RPS6: variants seen among roughly 807,000 people sequenced by gnomAD.
RPS6 encodes small ribosomal subunit protein eS6.
A neutral mutation model predicts 27.1 loss-of-function variants in RPS6; 1 was observed. The ratio of observed to expected loss-of-function variants is 0.04; its 90% CI spans 0.01 to 0.18. The LOEUF (loss-of-function observed/expected upper bound fraction) is 0.18, where lower values mean the gene tolerates loss of function less well. RPS6 is among the 10% of genes least tolerant of loss of function. The pLI, the probability that RPS6 is intolerant of heterozygous loss-of-function variation, is 1.00. For synonymous variants in RPS6, 152 were observed against 106.0 expected, an observed-to-expected ratio of 1.43 and a Z score of -2.66; for missense variants, 259 against 319.1, an observed-to-expected ratio of 0.81 and a Z score of 1.44.
intron 4 of RPS6, 50 bp downstream of exon 4, chr9:19,378,318 T>C (rs375640449): frequency 3.7e-5 from 58 of 1,577,820 alleles, no homozygotes; most frequent in East Asian, 8.9e-5. Flanking sequence ...CACAAAATGA[T>C]AGACAAATTA....
At chr9:19,378,008 T>C (rs1829617887) in intron 4 of RPS6, among the ~76,000 whole-genome samples, 1 of 152,184 alleles carries the variant, frequency 6.6e-6, no homozygotes, top group Non-Finnish European at 1.5e-5. Flanking sequence ...ATTAATAATT[T>C]AGAACATCTG....
intron 3 of RPS6, 61 bp downstream of exon 3, chr9:19,378,642 GAATAA>G: frequency 6.3e-7 from 1 of 1,584,528 alleles, no homozygotes; most frequent in Non-Finnish European, 8.7e-7. Context: ...TACTGCAAAT[GAATAA>G]GCATTTGGAC....
rs1321685090 is a variant in RPS6 at position 19,380,015 on chromosome 9, C to T, written c.6+175G>A. On this transcript the variant is annotated intron_variant, in intron 1 of 5. Transcript: ENST00000380394. ...CCGCCGCGGCTCCAGCCGCAATCGC[C>T]TGCCATCCGTTCGGCCAAAAAGCTC... 8.6e-6 allele frequency: 13 copies of T among 1,508,580 alleles called. No individual in the cohort carries two copies. In the East Asian group the frequency reaches 1.9e-4, roughly 22 times the overall value. The allele number at this position is 1,508,580 out of a possible 1,614,324, so 93.4% of individuals were successfully genotyped here.
Position 19,376,663 on chromosome 9 carries a change from AAGGACTCAATCATTTCAAT to A in RPS6, c.497-31_497-13del. 6.3e-7 allele frequency: 1 copy of A among 1,597,454 alleles called. No individual in the cohort carries two copies. The highest frequency in any genetic ancestry group is 8.5e-7 in the Non-Finnish European group (1 of 1,175,670). On this transcript the variant is annotated splice_polypyrimidine_tract_variant and intron_variant, in intron 4 of 5. Coordinates refer to ENST00000380394, the MANE Select transcript of RPS6 (RefSeq NM_001010.3). ...CCTAGGTTTCTTACCTAAAAATTCA[AAGGACTCAATCATTTCAAT>A]ATTTGTTTTGTTAGAATCCACATCT...
At position 19,375,856 on chromosome 9, in the gene RPS6, T is replaced by C. The variant is rs1380973738; in HGVS notation, c.*437A>G. ...TTTAGTGGATGGTATCCACTAAAAC[T>C]AGGTATCCACTAAAACTATGCCTTA... is the stretch of plus-strand genomic sequence containing the variant. On this transcript the variant is annotated 3_prime_UTR_variant, in exon 6 of 6. Transcript: ENST00000380394. 8.7e-6 allele frequency: 1 copy of C among 114,374 alleles called. No homozygotes were observed. Among genetic ancestry groups the C allele is most frequent in the Non-Finnish European group, 1.7e-5 (1 of 57,244 alleles). The allele number at this position is 114,374 out of a possible 1,614,324, so 7.1% of individuals were successfully genotyped here.
intron 4 of RPS6, among the ~76,000 whole-genome samples, chr9:19,378,099 T>TA (rs1336808693): frequency 1.3e-5 from 2 of 152,202 alleles, no homozygotes; most frequent in South Asian, 2.1e-4. Flanking sequence ...GCAATGACCT[T>TA]AAAGTCAGGT....
chr9:19,380,168 A>G, intron 1 of RPS6, 22 bp downstream of exon 1: 2 of 1,614,128 alleles, frequency 1.2e-6, no homozygotes, highest in Non-Finnish European at 1.7e-6. Flanking sequence ...AACCCAGTCT[A>G]ACACTCGCCA....
intron 1 of RPS6, 62 bp from the exon 2 acceptor site, chr9:19,379,680 T>G (rs1307583440): frequency 6.5e-7 from 1 of 1,539,220 alleles, no homozygotes; most frequent in African/African-American, 1.4e-5. Flanking sequence ...TGTAGAGCCA[T>G]CTACAAAGTT....
intron 2 of RPS6, 138 bp downstream of exon 2, chr9:19,379,349 T>TTA: frequency 6.5e-7 from 1 of 1,545,696 alleles, no homozygotes; most frequent in Non-Finnish European, 8.7e-7. Context: ...ACCTCTAACT[T>TTA]TATAAAGTGG....
intron 4 of RPS6, among the ~76,000 whole-genome samples, chr9:19,377,414 A>T (rs1214324372): frequency 6.9e-6 from 1 of 145,864 alleles, no homozygotes; most frequent in African/African-American, 2.7e-5. Flanking sequence ...TTTTTGCAAC[A>T]TCAGCTTCAT....
intron 1 of RPS6, chr9:19,379,937 C>G: frequency 7.0e-7 from 1 of 1,433,858 alleles, no homozygotes; most frequent in African/African-American, 1.4e-5. Flanking sequence ...AACTGGGCAA[C>G]ACGCCGCATC....
intron 4 of RPS6, among the ~76,000 whole-genome samples, chr9:19,377,580 A>G (rs1304796024): frequency 4.6e-5 from 7 of 152,162 alleles, no homozygotes; most frequent in Non-Finnish European, 8.8e-5. Context: ...AATTCTTTCA[A>G]ATTTTGTCAG....
In RPS6 at chr9:19,377,356, T is replaced by TATG. The variant is rs796172445; in HGVS notation, c.497-708_497-706dup. The stretch of plus-strand genomic sequence containing the variant: ...GTATTATACGGATTATTTCCAGGGC[T>TATG]ATGATTATGGGCAACTGCCACCTAT... On this transcript the variant is annotated intron_variant, in intron 4 of 5. Coordinates refer to ENST00000380394, the MANE Select transcript of RPS6 (RefSeq NM_001010.3). Among the ~76,000 whole-genome samples the TATG allele has an allele frequency of 4.6e-5, 7 of 151,594 alleles. 1 individual carries two copies. Among genetic ancestry groups the TATG allele is most frequent in the African/African-American group, 1.7e-4 (7 of 41,310 alleles).
intron 4 of RPS6, among the ~76,000 whole-genome samples, chr9:19,377,880 G>C (rs1284170374): frequency 2.0e-5 from 3 of 152,276 alleles, no homozygotes; most frequent in African/African-American, 7.2e-5. Flanking sequence ...TTTTGGGCTG[G>C]GTGTGGTGGC....
chr9:19,379,013 A>G, intron 2 of RPS6, 95 bp from the exon 3 acceptor site: 1 of 1,204,568 alleles, frequency 8.3e-7, no homozygotes, highest in Non-Finnish European at 1.2e-6. Flanking sequence ...CTATATGAGA[A>G]AGTATAATTA....
intron 4 of RPS6, among the ~76,000 whole-genome samples, chr9:19,377,715 T>G (rs1207606038): frequency 2.6e-5 from 4 of 152,222 alleles, no homozygotes; most frequent in Admixed American, 6.5e-5. Flanking sequence ...ACAAAAGTTC[T>G]TAAAAGGTAA....
chr9:19,377,831 A>T (rs920912184), intron 4 of RPS6, among the ~76,000 whole-genome samples: 1 of 152,218 alleles, frequency 6.6e-6, no homozygotes, highest in African/African-American at 2.4e-5. Flanking sequence ...CAGATGAAAC[A>T]GAAGTTTAAA....
intron 2 of RPS6, 93 bp downstream of exon 2, chr9:19,379,394 G>C: frequency 6.4e-7 from 1 of 1,571,130 alleles, no homozygotes; most frequent in Non-Finnish European, 8.6e-7. Flanking sequence ...TCAGAAGCCA[G>C]AACCCGGAGT....
chr9:19,376,628 G>A lies in RPS6; in HGVS notation c.520C>T (p.Pro174Ser), dbSNP rs1377931004. ...GGAGTAACAAGACGCTGAATCTTGG[G>A]TGCTTTGGTCCTAGGTTTCTTACCT... The part of the protein sequence containing the change: ...KEGKKPRTKA[P>S]KIQRLVTPRV... The change falls in exon 5 of 6, where the codon CCC becomes TCC. Residue 174 changes from proline (P) to serine (S), a missense_variant. Physicochemically the swap from Pro to Ser is moderately conservative, Grantham distance 74 (BLOSUM62 -1). Transcript: ENST00000380394. 6.2e-7 allele frequency: 1 copy of A among 1,613,510 alleles called. No homozygotes were observed. The highest frequency in any genetic ancestry group is 8.5e-7 in the Non-Finnish European group (1 of 1,179,888).
Sources: allele counts gnomAD v4.1 joint callset (sites outside exome capture counted in the v4.1 genomes callset), GRCh38; gene constraint gnomAD v4.1.1; transcripts MANE v1.5; gene names NCBI Gene and HGNC (gene_info 2026-07-23, HGNC 2026-07-21).